ALDH8A1: variants seen among roughly 807,000 people sequenced by gnomAD.
ALDH8A1 encodes the protein aldehyde dehydrogenase 8 family member A1.
ALDH8A1 carries 39 observed loss-of-function variants against 43.3 expected under a neutral mutation model. That is an observed-to-expected ratio of 0.90 (90% CI 0.70 to 1.18). ALDH8A1 has a LOEUF of 1.18. Ranked by LOEUF, ALDH8A1 falls within the 50% of genes most tolerant of loss-of-function variation. The probability of loss-of-function intolerance (pLI) is 0.00; values close to 1 mark genes in which losing one functional copy is unlikely to be tolerated. For synonymous variants in ALDH8A1, 233 were observed against 243.5 expected, an observed-to-expected ratio of 0.96 and a Z score of 0.40; for missense variants, 605 against 622.6, an observed-to-expected ratio of 0.97 and a Z score of 0.30.
Position 134,918,347 on chromosome 6 carries a change from T to C in ALDH8A1, c.*68A>G. 3.4e-6 allele frequency: 5 copies of C among 1,456,228 alleles called. No individual in the cohort carries two copies. The highest frequency in any genetic ancestry group is 4.7e-6 in the Non-Finnish European group (5 of 1,063,098). 90.2% of individuals were successfully genotyped at this position (1,456,228 alleles called of 1,614,324 possible). ...GCTGGAATTCATGCCATGATTTTCA[T>C]CTACCACATTGAACAACTGATGCCT... On this transcript the variant is annotated 3_prime_UTR_variant, in exon 7 of 7. Coordinates refer to ENST00000265605, the MANE Select transcript of ALDH8A1 (RefSeq NM_022568.4).
intron 3 of ALDH8A1, chr6:134,940,068 T>C: frequency 4.4e-6 from 1 of 226,350 alleles, no homozygotes; most frequent in Admixed American, 5.3e-5. Context: ...CAGCAGGCCC[T>C]GTCAGGGGAG....
Position 134,932,865 on chromosome 6 carries a change from G to A in ALDH8A1, c.760C>T (p.Leu254=). The change falls in exon 5 of 7, where the codon CTG becomes TTG. Residue 254 remains leucine, a synonymous_variant. Transcript: ENST00000265605. ...ATGATGGCAGGATTCTTGCCCCCCA[G>A]CTCCAGGGAGAGCTTTTTGCAGTGG... ...APHCKKLSLE[L]GGKNPAIIFE... is the part of the protein sequence containing the mutation. The A allele has an allele frequency of 1.9e-6, 3 of 1,614,206 alleles. No homozygotes were observed. The highest frequency in any genetic ancestry group is 2.5e-6 in the Non-Finnish European group (3 of 1,180,032).
At chr6:134,926,202 CTTTT>C (rs749949919) in intron 6 of ALDH8A1, among the ~76,000 whole-genome samples, 1 of 93,736 alleles carries the variant, frequency 1.1e-5, no homozygotes, top group African/African-American at 4.2e-5. Context: ...CAGGACCCTT[CTTTT>C]TTTTTTTTTT....
chr6:134,944,502 C>A (rs957884049), intron 1 of ALDH8A1, among the ~76,000 whole-genome samples: 3 of 152,134 alleles, frequency 2.0e-5, no homozygotes, highest in African/African-American at 2.4e-5. Flanking sequence ...ACCAATGCAT[C>A]CTGAATGTAG....
chr6:134,919,003 A>G lies in ALDH8A1; in HGVS notation c.1012-136T>C, dbSNP rs566896375. 1.5e-5 allele frequency: 15 copies of G among 1,031,380 alleles called. No homozygotes were observed. In the Admixed American group the frequency reaches 2.1e-4, roughly 15 times the overall value. 63.9% of individuals were successfully genotyped at this position (1,031,380 alleles called of 1,614,324 possible). On this transcript the variant is annotated intron_variant, in intron 6 of 6. Transcript: ENST00000265605. ...TAAGAAATCTATGGTCGATTATCTT[A>G]TCACTCAGCTGCTAAGCCAGAGGGC...
intron 3 of ALDH8A1, 46 bp downstream of exon 3, chr6:134,942,363 T>C: frequency 6.6e-7 from 1 of 1,506,414 alleles, no homozygotes; most frequent in Admixed American, 1.9e-5. Flanking sequence ...GTTGTGAGCA[T>C]CTGCAAGCAT....
At position 134,932,792 on chromosome 6, in the gene ALDH8A1, G is replaced by A; in HGVS notation, c.833C>T (p.Ser278Phe). The A allele has an allele frequency of 1.2e-6, 2 of 1,614,206 alleles. No individual in the cohort carries two copies. Among genetic ancestry groups the A allele is most frequent in the Non-Finnish European group, 1.7e-6 (2 of 1,180,032 alleles). The change falls in exon 5 of 7, where the codon TCC (serine) becomes TTC (phenylalanine). Residue 278 changes from serine to phenylalanine, a missense_variant. Physicochemically the swap from Ser to Phe is radical, Grantham distance 155. Transcript: ENST00000265605. ...GGGACATACCTGGTTGGCAAAGCTG[G>A]ACCTGACGGTTGCCGGAATGCACTC... ...LDECIPATVRSSFANQGEICL... is the reference protein window; with the variant it reads ...LDECIPATVRFSFANQGEICL...
intron 6 of ALDH8A1, among the ~76,000 whole-genome samples, chr6:134,923,203 T>C (rs1291220042): frequency 6.6e-6 from 1 of 152,062 alleles, no homozygotes; most frequent in East Asian, 1.9e-4. Context: ...AATTTTTTTG[T>C]ATAATTTTTA....
chr6:134,946,459 A>G (rs971895144), intron 1 of ALDH8A1, among the ~76,000 whole-genome samples: 1 of 152,262 alleles, frequency 6.6e-6, no homozygotes, highest in African/African-American at 2.4e-5. Context: ...TGTCCATGTA[A>G]TATAGAATAC....
chr6:134,931,605 T>C (rs1365156361), intron 5 of ALDH8A1, among the ~76,000 whole-genome samples: 1 of 152,180 alleles, frequency 6.6e-6, no homozygotes, highest in African/African-American at 2.4e-5. Context: ...CTTTCTCTCA[T>C]CTTAGTTTCT....
At chr6:134,941,073 G>A (rs1486023475) in intron 3 of ALDH8A1, among the ~76,000 whole-genome samples, 2 of 152,160 alleles carry the variant, frequency 1.3e-5, no homozygotes, top group Non-Finnish European at 2.9e-5. Flanking sequence ...TTATTTATAC[G>A]TTCTTCCAAA....
At chr6:134,934,572 A>C (rs1028314) in intron 4 of ALDH8A1, among the ~76,000 whole-genome samples, 101,542 of 151,966 alleles carry the variant, frequency 0.67, 34,235 homozygotes, top group East Asian at 0.75. Context: ...CCAAAAACTC[A>C]ACCCTCGGAA....
rs114266056 is a variant in ALDH8A1 at position 134,944,282 on chromosome 6, C to T, written c.139-316G>A. 6.1e-3 allele frequency: 1,366 copies of T among 224,848 alleles called. 20 individuals carry two copies. Among genetic ancestry groups the T allele is most frequent in the African/African-American group, 0.029 (1,264 of 43,406 alleles). 13.9% of individuals were successfully genotyped at this position (224,848 alleles called of 1,614,324 possible). On this transcript the variant is annotated intron_variant, in intron 1 of 6. Transcript: ENST00000265605. ...GGGGGTTTCACCATGCTGACCAGGC[C>T]GGTCTTGAGTTCCTGAATACAAGTG...
At chr6:134,920,271 T>C (rs1776777594) in intron 6 of ALDH8A1, among the ~76,000 whole-genome samples, 1 of 152,194 alleles carries the variant, frequency 6.6e-6, no homozygotes. Flanking sequence ...ACTCCCAACA[T>C]CCATAGTGAT....
intron 1 of ALDH8A1, among the ~76,000 whole-genome samples, chr6:134,947,961 T>G (rs2114714470): frequency 6.6e-6 from 1 of 152,294 alleles, no homozygotes; most frequent in South Asian, 2.1e-4. Context: ...CCATATTTGT[T>G]GAAGCACTAT....
chr6:134,921,235 G>T (rs957336462), intron 6 of ALDH8A1, among the ~76,000 whole-genome samples: 1 of 152,114 alleles, frequency 6.6e-6, no homozygotes, highest in African/African-American at 2.4e-5. Flanking sequence ...GTGGGCCTTG[G>T]TTAGGTCTGA....
chr6:134,943,955 C>T lies in ALDH8A1; in HGVS notation c.150G>A (p.Ala50=), dbSNP rs767791192. 1.3e-5 allele frequency: 21 copies of T among 1,613,780 alleles called. No individual in the cohort carries two copies. In the East Asian group the frequency reaches 1.3e-4, roughly 10 times the overall value. Residue 50 remains alanine (A), a synonymous_variant, in exon 2 of 7, where the codon GCG becomes GCA. Coordinates refer to ENST00000265605, the MANE Select transcript of ALDH8A1 (RefSeq NM_022568.4). ...PNSGKDEIEA[A]VKAAREAFPS... is the part of the protein sequence containing the mutation. ...GAAAGGCTTCTCTGGCGGCCTTGAC[C>T]GCGGCTTCGATCTTTGAGGAGCAAA...
chr6:134,939,552 G>T (rs1163394705), intron 3 of ALDH8A1, 137 bp from the exon 4 acceptor site: 3 of 1,041,698 alleles, frequency 2.9e-6, no homozygotes, highest in Non-Finnish European at 4.0e-6. Context: ...CCCAAGCTTT[G>T]CTTATTTGTA....
At chr6:134,940,076 G>C (rs558403885) in intron 3 of ALDH8A1, 4 of 233,128 alleles carry the variant, frequency 1.7e-5, no homozygotes, top group African/African-American at 7.0e-5. Flanking sequence ...CCTGTCAGGG[G>C]AGAGTCGGGG....
Sources: gnomAD v4.1 joint callset for allele counts (sites outside exome capture counted in the v4.1 genomes callset) on GRCh38, gnomAD v4.1.1 for gene constraint, MANE v1.5 for transcripts, NCBI Gene and HGNC (gene_info 2026-07-23, HGNC 2026-07-21) for gene names.